Variants in KCNA6 observed in about 807,000 individuals in gnomAD.
KCNA6 encodes the protein potassium voltage-gated channel subfamily A member 6.
KCNA6 carries 17 observed loss-of-function variants against 29.5 expected under a neutral mutation model. That is an observed-to-expected ratio of 0.58 (90% CI 0.39 to 0.86). KCNA6 has a LOEUF of 0.86. Among genes scored for constraint, KCNA6 ranks in the 40% least tolerant of loss-of-function variants. The pLI, the probability that KCNA6 is intolerant of heterozygous loss-of-function variation, is 0.00. For missense variants in KCNA6, 450 were observed against 703.4 expected (o/e 0.64, Z 4.07); for synonymous variants, 296 against 304.7 (o/e 0.97, Z 0.30).
At chr12:4,827,233 T>TTCC in the KCNA6 span, among the ~76,000 whole-genome samples, 1 of 141,198 alleles carries the variant, frequency 7.1e-6, no homozygotes, top group Non-Finnish European at 1.6e-5. Context: ...TCCTTCCTCC[T>TTCC]TCCTTCCTTC....
the KCNA6 span, among the ~76,000 whole-genome samples, chr12:4,821,919 C>T: frequency 2.0e-5 from 3 of 152,156 alleles, no homozygotes; most frequent in Admixed American, 6.5e-5. Context: ...TCACCGCAAC[C>T]TCTGCCTCCC....
the KCNA6 span, among the ~76,000 whole-genome samples, chr12:4,835,934 G>GTTTTTTTTTTTTTTTTTTTTTTTTTTT: frequency 1.5e-5 from 2 of 137,202 alleles, no homozygotes; most frequent in Non-Finnish European, 1.6e-5. Context: ...AAAAGTCGCT[G>GTTTTTTTTTTTTTTTTTTTTTTTTTTT]TTTTTTTTTT....
At chr12:4,820,546 AACACACACACACACAC>A in the KCNA6 span, among the ~76,000 whole-genome samples, 23 of 134,762 alleles carry the variant, frequency 1.7e-4, no homozygotes, top group East Asian at 1.7e-3. Context: ...GGATTACCTA[AACACACACACACACAC>A]ACACACACAC....
At chr12:4,818,707 T>C in the KCNA6 span, among the ~76,000 whole-genome samples, 21 of 152,246 alleles carry the variant, frequency 1.4e-4, no homozygotes, top group Non-Finnish European at 2.1e-4. Context: ...AGGGTCTAAC[T>C]GTTATTGGGC....
chr12:4,834,749 AG>A, the KCNA6 span, among the ~76,000 whole-genome samples: 1 of 152,204 alleles, frequency 6.6e-6, no homozygotes, highest in Non-Finnish European at 1.5e-5. Flanking sequence ...CTGGGACTAC[AG>A]GCCAAAGTGG....
rs758204449 is a variant in KCNA6 at position 4,810,242 on chromosome 12, C to T, written c.201C>T (p.Leu67=). Reference sequence around the variant, plus strand: ...TGTCGCTGTTTCCGGACACGCTGCTCGGAGACCCTGGCCGGCGAGTCCGCT... The same window carrying T: ...TGTCGCTGTTTCCGGACACGCTGCTTGGAGACCCTGGCCGGCGAGTCCGCT... The change falls in exon 1 of 1, where the codon CTC becomes CTT. Residue 67 remains leucine, a synonymous_variant. Coordinates refer to ENST00000280684, the Ensembl canonical transcript of KCNA6. This position sits in a 1 kb window ranked among gnomAD's most constrained non-coding sequence, Gnocchi z 7.5. 5 of 1,613,842 alleles carry T rather than the reference C, an allele frequency of 3.1e-6. No homozygotes were observed. The highest frequency in any genetic ancestry group is 3.4e-6 in the Non-Finnish European group (4 of 1,180,032).
the KCNA6 span, among the ~76,000 whole-genome samples, chr12:4,827,900 TG>T: frequency 6.6e-6 from 1 of 152,264 alleles, no homozygotes; most frequent in East Asian, 1.9e-4. Flanking sequence ...GAAGCCTGTG[TG>T]GGCTCCTAAT....
the KCNA6 span, among the ~76,000 whole-genome samples, chr12:4,839,844 A>G: frequency 6.6e-6 from 1 of 152,234 alleles, no homozygotes; most frequent in Admixed American, 6.5e-5. Flanking sequence ...ATTCCCATTT[A>G]TCAGAGGAGG....
the KCNA6 span, among the ~76,000 whole-genome samples, chr12:4,833,989 C>T: frequency 9.4e-5 from 14 of 149,004 alleles, no homozygotes; most frequent in African/African-American, 3.5e-4. Context: ...AGTGCAGTGG[C>T]GTGATCATGA....
chr12:4,822,779 T>C, the KCNA6 span, among the ~76,000 whole-genome samples: 4 of 152,216 alleles, frequency 2.6e-5, no homozygotes, highest in Admixed American at 6.5e-5. Context: ...GCTTTCCTGA[T>C]AATGACTGGC....
chr12:4,817,870 AGCAGCTTCTGCT>A (rs1222088188), downstream of KCNA6, among the ~76,000 whole-genome samples: 3 of 152,212 alleles, frequency 2.0e-5, no homozygotes, highest in Non-Finnish European at 4.4e-5. Context: ...TGGAATCTTA[AGCAGCTTCTGCT>A]GCAGGCTGCA....
downstream of KCNA6, chr12:4,814,228 G>T (rs1040224536): frequency 6.0e-6 from 1 of 167,108 alleles, no homozygotes; most frequent in Admixed American, 6.5e-5. The surrounding 1 kb of genome is among the most constrained non-coding windows in gnomAD (Gnocchi z 4.6). Context: ...TAAGCAACCA[G>T]TTAAACCAAC....
chr12:4,849,647 C>T, the KCNA6 span, among the ~76,000 whole-genome samples: 1 of 152,118 alleles, frequency 6.6e-6, no homozygotes, highest in Non-Finnish European at 1.5e-5. Context: ...CCAGGCTTTA[C>T]AGTTAAATTT....
chr12:4,829,719 C>T, the KCNA6 span, among the ~76,000 whole-genome samples: 1 of 152,062 alleles, frequency 6.6e-6, no homozygotes, highest in Non-Finnish European at 1.5e-5. Flanking sequence ...AAAAAAGTCT[C>T]TAGAGGTTCT....
chr12:4,809,715 GC>G, exon 1 of KCNA6: 1 of 269,434 alleles, frequency 3.7e-6, no homozygotes, highest in South Asian at 1.6e-4. Context: ...ACCGCTGGGG[GC>G]GAAGCCACGC....
chr12:4,827,734 T>G, the KCNA6 span, among the ~76,000 whole-genome samples: 2 of 152,218 alleles, frequency 1.3e-5, no homozygotes, highest in Non-Finnish European at 2.9e-5. Context: ...CTCACAGCTC[T>G]GCCCTGGGAA....
At chr12:4,827,073 T>A in the KCNA6 span, among the ~76,000 whole-genome samples, 1 of 148,812 alleles carries the variant, frequency 6.7e-6, no homozygotes, top group African/African-American at 2.5e-5. Flanking sequence ...CGTCTTTTCC[T>A]CCCTCCTCCC....
At chr12:4,849,958 T>C in the KCNA6 span, among the ~76,000 whole-genome samples, 1 of 152,224 alleles carries the variant, frequency 6.6e-6, no homozygotes, top group Admixed American at 6.5e-5. Flanking sequence ...ACACACGCAT[T>C]GTGTCAGGTA....
At chr12:4,810,000 TG>T in exon 1 of KCNA6, 1 of 1,500,926 alleles carries the variant, frequency 6.7e-7, no homozygotes. Flanking sequence ...GATTGTGTCG[TG>T]GGCGCCGTCC....
Sources: gnomAD v4.1 joint callset for allele counts (sites outside exome capture counted in the v4.1 genomes callset) on GRCh38, gnomAD v4.1.1 for gene constraint, Gnocchi (gnomAD v3.1) non-coding constraint, MANE v1.5 for transcripts, NCBI Gene and HGNC (gene_info 2026-07-23, HGNC 2026-07-21) for gene names.